The following PTPRN2 variants were observed in gnomAD, a reference collection of about 807,000 sequenced individuals.
PTPRN2 encodes receptor-type tyrosine-protein phosphatase N2.
In PTPRN2, 74 loss-of-function variants were observed where a neutral mutation model predicts 118.8. That is an observed-to-expected ratio of 0.62 (90% confidence interval 0.52 to 0.76). The LOEUF (loss-of-function observed/expected upper bound fraction) is 0.76, where lower values mean the gene tolerates loss of function less well. Ranked by LOEUF, PTPRN2 falls within the 30% of genes least tolerant of loss-of-function variation. The pLI is 0.00. For missense variants in PTPRN2, 1,481 were observed against 1,394.4 expected (o/e 1.06, Z -0.99); for synonymous variants, 641 against 608.0 (o/e 1.05, Z -0.80).
intron 12 of PTPRN2, among the ~76,000 whole-genome samples, chr7:157,875,982 G>A (rs1795742462): frequency 6.6e-6 from 1 of 152,204 alleles, no homozygotes; most frequent in Non-Finnish European, 1.5e-5. Context: ...GGCAGGCACG[G>A]GGCTGCAGAG....
chr7:157,869,327 A>C lies in PTPRN2; in HGVS notation c.1788+29346T>G, dbSNP rs183595447. Among the ~76,000 whole-genome samples, 1 of 152,308 alleles carries C rather than the reference A, an allele frequency of 6.6e-6. No homozygotes were observed. Among genetic ancestry groups the C allele is most frequent in the Admixed American group, 6.5e-5 (1 of 15,306 alleles). ...ATATAAAATTCCTAGGGATAATTTC[A>C]TTTGATGACAGAGTTACACTTAATG... is the stretch of plus-strand genomic sequence containing the variant. On this transcript the variant is annotated intron_variant, in intron 12 of 22. Transcript: ENST00000389418. This position sits in a 1 kb window ranked among gnomAD's most constrained non-coding sequence, Gnocchi z 4.2.
chr7:158,357,057 T>C (rs577803930), intron 2 of PTPRN2, among the ~76,000 whole-genome samples: 8 of 152,296 alleles, frequency 5.3e-5, no homozygotes, highest in Admixed American at 1.3e-4. Context: ...TGGAACCCAA[T>C]GGCAGGAACA....
rs896776 is a variant in PTPRN2 at position 158,318,064 on chromosome 7, C to A, written c.164-1132G>T. 6.5e-3 allele frequency among the ~76,000 whole-genome samples: 986 copies of A among 151,972 alleles called. 4 individuals carry two copies. Among genetic ancestry groups the A allele is most frequent in the Middle Eastern group, 0.024 (7 of 294 alleles). On this transcript the variant is annotated intron_variant, in intron 2 of 22. Transcript: ENST00000389418. ...TTCCCTCCGTGCAGCCCGGCCGCGC[C>A]GCCTCCTGTCCGAGAGCCGGCCCGA...
At chr7:158,467,562 G>C (rs984270728) in intron 2 of PTPRN2, among the ~76,000 whole-genome samples, 2 of 152,092 alleles carry the variant, frequency 1.3e-5, no homozygotes, top group Non-Finnish European at 2.9e-5. Context: ...TATGTTTTCA[G>C]AGTTTTACAG....
chr7:157,731,024 C>T (rs1799867879), intron 12 of PTPRN2, among the ~76,000 whole-genome samples: 1 of 152,154 alleles, frequency 6.6e-6, no homozygotes, highest in Non-Finnish European at 1.5e-5. Flanking sequence ...CACGTGGTCT[C>T]CTGAACTCCC....
intron 12 of PTPRN2, among the ~76,000 whole-genome samples, chr7:157,810,146 G>A (rs187633621): frequency 2.0e-4 from 31 of 152,340 alleles, no homozygotes; most frequent in Admixed American, 1.9e-3. Flanking sequence ...GCCATGTGAG[G>A]GCCACGTGGA....
intron 1 of PTPRN2, among the ~76,000 whole-genome samples, chr7:158,566,716 G>C (rs1472415420): frequency 6.6e-6 from 1 of 151,914 alleles, no homozygotes; most frequent in East Asian, 1.9e-4. Context: ...TTTTTGTTTT[G>C]TTTTGTTTTG....
intron 12 of PTPRN2, among the ~76,000 whole-genome samples, chr7:157,683,586 C>T (rs932071115): frequency 2.0e-5 from 3 of 152,106 alleles, no homozygotes; most frequent in African/African-American, 4.8e-5. Flanking sequence ...TATGCACCTA[C>T]GTATTTTTCC....
chr7:157,907,486 C>G (rs1396723855), intron 11 of PTPRN2, among the ~76,000 whole-genome samples: 2 of 141,762 alleles, frequency 1.4e-5, no homozygotes, highest in African/African-American at 2.7e-5. Context: ...CTGTCCCCTG[C>G]GTGTGGGGTG....
At chr7:158,171,936 T>C (rs1354121579) in intron 5 of PTPRN2, among the ~76,000 whole-genome samples, 2 of 152,104 alleles carry the variant, frequency 1.3e-5, no homozygotes, top group African/African-American at 2.4e-5. Flanking sequence ...CGATGGACAT[T>C]CCTGTGCATG....
rs749245575 is a variant in PTPRN2 at position 158,138,312 on chromosome 7, G to A, written c.1114C>T (p.Arg372Cys). The change falls in exon 7 of 23, where the codon CGT becomes TGT. Residue 372 changes from arginine to cysteine, a missense_variant. Physicochemically the swap from Arg to Cys is radical, Grantham distance 180 (BLOSUM62 -3). Coordinates refer to ENST00000389418, the MANE Select transcript of PTPRN2 (RefSeq NM_002847.5). ...CAGTCACCTGGAAAGCTGTCTCCAC[G>A]GAGGGTGGCCTTGGGGCCATCCGCC... ...EQADGPKATLRGDSFPDDGVQ... is the reference protein window; with the variant it reads ...EQADGPKATLCGDSFPDDGVQ... 1.4e-5 allele frequency: 23 copies of A among 1,613,034 alleles called. No individual in the cohort carries two copies. The highest frequency in any genetic ancestry group is 2.2e-5 in the East Asian group (1 of 44,878).
At chr7:157,840,273 G>A (rs545377207) in intron 12 of PTPRN2, among the ~76,000 whole-genome samples, 12 of 143,996 alleles carry the variant, frequency 8.3e-5, no homozygotes, top group South Asian at 2.3e-4. Flanking sequence ...GTGTGGCCGC[G>A]TGTGACTGTG....
intron 2 of PTPRN2, among the ~76,000 whole-genome samples, chr7:158,337,345 G>A (rs866587453): frequency 5.0e-3 from 673 of 134,858 alleles, no homozygotes; most frequent in African/African-American, 0.018. Context: ...CCTAAGAGGT[G>A]ACACCTGCAG....
intron 12 of PTPRN2, among the ~76,000 whole-genome samples, chr7:157,697,026 G>T (rs1365464490): frequency 2.8e-5 from 2 of 72,468 alleles, no homozygotes; most frequent in African/African-American, 6.0e-5. Flanking sequence ...ATGCATACTG[G>T]TTCTTGGCAG....
chr7:158,125,343 C>T (rs1374954370), intron 9 of PTPRN2, among the ~76,000 whole-genome samples: 1 of 145,394 alleles, frequency 6.9e-6, no homozygotes, highest in East Asian at 2.1e-4. Context: ...GTCCCTCCCA[C>T]AGCCGCCCCC....
chr7:158,359,258 T>C (rs1808645416), intron 2 of PTPRN2, among the ~76,000 whole-genome samples: 2 of 152,244 alleles, frequency 1.3e-5, no homozygotes, highest in South Asian at 4.1e-4. Flanking sequence ...TCACTAACGT[T>C]GAAAATGTCT....
At chr7:157,548,663 TC>T (rs1293230695) in intron 22 of PTPRN2, among the ~76,000 whole-genome samples, 10 of 151,890 alleles carry the variant, frequency 6.6e-5, no homozygotes, top group Non-Finnish European at 1.0e-4. Flanking sequence ...TGCAGCGTTC[TC>T]CCCCCACCCC....
chr7:158,286,322 T>C (rs903802479), intron 3 of PTPRN2, among the ~76,000 whole-genome samples: 1 of 152,246 alleles, frequency 6.6e-6, no homozygotes, highest in Non-Finnish European at 1.5e-5. Context: ...CTTCTTTTGT[T>C]CCAATTTGGA....
At position 157,740,061 on chromosome 7, in the gene PTPRN2, A is replaced by C. The variant is rs528838549; in HGVS notation, c.1789-57124T>G. ...TATATCTACATGGGTTTAACTGTAC[A>C]TTATATTGTGCTTTTTTATTGCTGA... is the stretch of plus-strand genomic sequence containing the variant. On this transcript the variant is annotated intron_variant, in intron 12 of 22. Coordinates refer to ENST00000389418, the MANE Select transcript of PTPRN2 (RefSeq NM_002847.5). Among the ~76,000 whole-genome samples, 14 of 152,266 alleles carry C rather than the reference A, an allele frequency of 9.2e-5. No individual in the cohort carries two copies. The South Asian group carries it at 2.9e-3, about 32-fold the overall frequency.
Sources: allele counts gnomAD v4.1 joint callset (sites outside exome capture counted in the v4.1 genomes callset), GRCh38; gene constraint gnomAD v4.1.1; non-coding constraint Gnocchi (gnomAD v3.1); transcripts MANE v1.5; gene names NCBI Gene and HGNC (gene_info 2026-07-23, HGNC 2026-07-21).